Variants in CDH20 observed in about 807,000 individuals in gnomAD.
CDH20 encodes cadherin 20.
A neutral mutation model predicts 74.2 loss-of-function variants in CDH20; 29 were observed. That is an observed-to-expected ratio of 0.39 (90% CI 0.29 to 0.53). CDH20 has a LOEUF of 0.53. CDH20 is among the 20% of genes least tolerant of loss of function. The pLI, the probability that CDH20 is intolerant of heterozygous loss-of-function variation, is 0.69. For synonymous variants in CDH20, 469 were observed against 405.4 expected, an observed-to-expected ratio of 1.16 and a Z score of -1.88; for missense variants, 988 against 1,048.3, an observed-to-expected ratio of 0.94 and a Z score of 0.79.
rs1913572483 is a variant in CDH20 at position 61,554,741 on chromosome 18, C to T, written c.*46C>T. ...CGCGTCCAAATCCAGACGTTCTCCG[C>T]GGGTGCTTCGCGGACAAGGTGCAGC... On this transcript the variant is annotated 3_prime_UTR_variant, in exon 12 of 12. Coordinates refer to ENST00000262717, the MANE Select transcript of CDH20 (RefSeq NM_031891.4). 4.7e-6 allele frequency: 7 copies of T among 1,488,846 alleles called. No individual in the cohort carries two copies. Among genetic ancestry groups the T allele is most frequent in the Admixed American group, 4.2e-5 (2 of 48,178 alleles). The allele number at this position is 1,488,846 out of a possible 1,614,324, so 92.2% of individuals were successfully genotyped here. A position where few individuals can be genotyped will look rare whatever the true frequency, so the allele number is the denominator to read the frequency against.
intron 6 of CDH20, among the ~76,000 whole-genome samples, chr18:61,513,733 G>T (rs1911873032): frequency 6.6e-6 from 1 of 152,136 alleles, no homozygotes; most frequent in Admixed American, 6.6e-5. Context: ...TGTCTGTAAA[G>T]GATTTTATTT....
At chr18:61,469,062 T>A (rs1039305099) in intron 1 of CDH20, among the ~76,000 whole-genome samples, 1 of 152,150 alleles carries the variant, frequency 6.6e-6, no homozygotes, top group African/African-American at 2.4e-5. Context: ...TGCAAATTGT[T>A]TATGACATTC....
At chr18:61,525,234 TAATGTATGTAAATATATA>T (rs1429700855) in intron 6 of CDH20, among the ~76,000 whole-genome samples, 1 of 152,190 alleles carries the variant, frequency 6.6e-6, no homozygotes, top group Non-Finnish European at 1.5e-5. Flanking sequence ...AAAGAAATTT[TAATGTATGTAAATATATA>T]AATGTATGTA....
At chr18:61,396,987 CCAT>C (rs887712754) in intron 1 of CDH20, among the ~76,000 whole-genome samples, 3 of 152,164 alleles carry the variant, frequency 2.0e-5, no homozygotes, top group African/African-American at 7.2e-5. Context: ...TTCCCGGGGA[CCAT>C]GAACTATTTG....
intron 1 of CDH20, chr18:61,404,965 G>A (rs62098085): frequency 7.0e-6 from 5 of 711,160 alleles, no homozygotes; most frequent in South Asian, 1.4e-5. Context: ...GCTGCGCCCA[G>A]TTCAATATTA....
intron 1 of CDH20, among the ~76,000 whole-genome samples, chr18:61,484,469 C>T (rs957354734): frequency 3.3e-5 from 5 of 151,976 alleles, no homozygotes; most frequent in Non-Finnish European, 5.9e-5. Flanking sequence ...TTGGCGGATA[C>T]GGAAAGAAAG....
chr18:61,372,585 T>C (rs1181320009), intron 1 of CDH20, among the ~76,000 whole-genome samples: 1 of 152,096 alleles, frequency 6.6e-6, no homozygotes, highest in Non-Finnish European at 1.5e-5. Flanking sequence ...CCCACAAGCT[T>C]AAGAATGGAT....
At chr18:61,514,353 G>A (rs1316869909) in intron 6 of CDH20, among the ~76,000 whole-genome samples, 1 of 152,112 alleles carries the variant, frequency 6.6e-6, no homozygotes, top group Non-Finnish European at 1.5e-5. Flanking sequence ...AGCTTCATCA[G>A]CTCCTTTAAG....
At chr18:61,458,720 AG>A (rs1384251874) in intron 1 of CDH20, among the ~76,000 whole-genome samples, 1 of 152,260 alleles carries the variant, frequency 6.6e-6, no homozygotes, top group Non-Finnish European at 1.5e-5. Context: ...AGCAGAAATC[AG>A]CCCTGCAATT....
At chr18:61,430,096 C>T (rs1175854984) in intron 1 of CDH20, among the ~76,000 whole-genome samples, 1 of 151,614 alleles carries the variant, frequency 6.6e-6, no homozygotes, top group Non-Finnish European at 1.5e-5. Context: ...TGTCCCCTTA[C>T]TCCTAGGCAT....
At chr18:61,465,971 G>A (rs774819877) in intron 1 of CDH20, among the ~76,000 whole-genome samples, 212 of 151,954 alleles carry the variant, frequency 1.4e-3, no homozygotes, top group Non-Finnish European at 2.3e-3. Context: ...GAGGTGGGAG[G>A]ATGACTTGAG....
intron 11 of CDH20, among the ~76,000 whole-genome samples, chr18:61,551,514 A>G (rs1913432034): frequency 6.6e-6 from 1 of 152,228 alleles, no homozygotes; most frequent in Non-Finnish European, 1.5e-5. Flanking sequence ...CTCAAAATAC[A>G]TTTAAAAATA....
intron 5 of CDH20, among the ~76,000 whole-genome samples, chr18:61,504,523 G>A (rs1223015746): frequency 6.6e-6 from 1 of 152,112 alleles, no homozygotes; most frequent in Non-Finnish European, 1.5e-5. Flanking sequence ...AGTGACAGCA[G>A]GACAATCAGG....
chr18:61,510,076 G>A (rs139914874), intron 6 of CDH20, among the ~76,000 whole-genome samples: 328 of 152,242 alleles, frequency 2.2e-3, no homozygotes, highest in African/African-American at 7.4e-3. Flanking sequence ...CATGGCTTTG[G>A]TTATAAGAGC....
chr18:61,535,103 G>A (rs974759933), intron 7 of CDH20, among the ~76,000 whole-genome samples: 2 of 151,988 alleles, frequency 1.3e-5, no homozygotes, highest in African/African-American at 4.8e-5. Context: ...ATCACTTGAG[G>A]TCAGGAGTTT....
At chr18:61,474,209 G>A (rs1910288873) in intron 1 of CDH20, among the ~76,000 whole-genome samples, 1 of 152,128 alleles carries the variant, frequency 6.6e-6, no homozygotes, top group Non-Finnish European at 1.5e-5. Context: ...ACCTGTCCCA[G>A]TTTATGAGCT....
chr18:61,506,711 T>C (rs1008049507), intron 5 of CDH20, among the ~76,000 whole-genome samples: 1 of 152,190 alleles, frequency 6.6e-6, no homozygotes, highest in African/African-American at 2.4e-5. Flanking sequence ...TTCTTACATA[T>C]GTGAGAACCT....
chr18:61,462,872 G>A (rs1909833215), intron 1 of CDH20, among the ~76,000 whole-genome samples: 1 of 152,126 alleles, frequency 6.6e-6, no homozygotes, highest in Admixed American at 6.5e-5. Context: ...CTCAGGGGAA[G>A]AGATAAAAGC....
At chr18:61,398,765 A>C (rs530521070) in intron 1 of CDH20, among the ~76,000 whole-genome samples, 6 of 152,282 alleles carry the variant, frequency 3.9e-5, no homozygotes, top group Non-Finnish European at 7.3e-5. Context: ...AATCAATGGC[A>C]TTGTCAGCAT....
Sources: gnomAD v4.1 joint callset for allele counts (sites outside exome capture counted in the v4.1 genomes callset) on GRCh38, gnomAD v4.1.1 for gene constraint, MANE v1.5 for transcripts, NCBI Gene and HGNC (gene_info 2026-07-23, HGNC 2026-07-21) for gene names.